DRICH1: variants seen among roughly 807,000 people sequenced by gnomAD.
DRICH1 encodes the protein aspartate-rich protein 1.
A neutral mutation model predicts 39.5 loss-of-function variants in DRICH1; 38 were observed. That is an observed-to-expected ratio of 0.96 (90% confidence interval 0.74 to 1.26). The LOEUF is 1.26. Ranked by LOEUF, DRICH1 falls within the 50% of genes most tolerant of loss-of-function variation. DRICH1 has a pLI of 0.00. For synonymous variants in DRICH1, 84 were observed against 99.5 expected (o/e 0.84, Z 0.93); for missense variants, 279 against 270.4 (o/e 1.03, Z -0.22).
intron 5 of DRICH1, 103 bp downstream of exon 5, chr22:23,620,491 C>T: frequency 2.3e-6 from 3 of 1,322,518 alleles, no homozygotes; most frequent in East Asian, 2.3e-5. Flanking sequence ...CATTTGCTCT[C>T]ACCACACCCC....
chr22:23,629,899 G>A (rs910367194), intron 1 of DRICH1, among the ~76,000 whole-genome samples: 9 of 152,190 alleles, frequency 5.9e-5, no homozygotes, highest in African/African-American at 1.9e-4. Flanking sequence ...TTACAGGTGT[G>A]AGCCACCGTG....
chr22:23,609,738 C>T (rs1926934804), intron 11 of DRICH1, among the ~76,000 whole-genome samples: 1 of 152,190 alleles, frequency 6.6e-6, no homozygotes, highest in Non-Finnish European at 1.5e-5. Context: ...ACTAATCTCA[C>T]TATGTCCTTC....
intron 6 of DRICH1, among the ~76,000 whole-genome samples, chr22:23,619,032 C>T (rs1217483741): frequency 2.6e-5 from 4 of 151,858 alleles, no homozygotes; most frequent in South Asian, 4.2e-4. Context: ...ATTAGCTGGA[C>T]GTGGTGGCAT....
the DRICH1 span, among the ~76,000 whole-genome samples, chr22:23,585,112 TC>T: frequency 1.3e-5 from 2 of 152,142 alleles, no homozygotes; most frequent in African/African-American, 4.8e-5. Flanking sequence ...TCTCTCTCCT[TC>T]CTTTCCCTTC....
chr22:23,606,823 CCT>C (rs1481804653), downstream of DRICH1, among the ~76,000 whole-genome samples: 1 of 152,184 alleles, frequency 6.6e-6, no homozygotes, highest in Non-Finnish European at 1.5e-5. Flanking sequence ...CTGCGCCTGC[CCT>C]CTCATTCAAC....
At chr22:23,605,212 C>T (rs1453370483), downstream of DRICH1, among the ~76,000 whole-genome samples, 3 of 152,144 alleles carry the variant, frequency 2.0e-5, no homozygotes, top group Non-Finnish European at 4.4e-5. Context: ...TAAATGAACC[C>T]AGATGCTCAG....
chr22:23,592,400 G>C, the DRICH1 span, among the ~76,000 whole-genome samples: 2 of 152,132 alleles, frequency 1.3e-5, no homozygotes, highest in African/African-American at 4.8e-5. Context: ...ACTGGGGGGG[G>C]GCGGTCCATG....
the DRICH1 span, chr22:23,583,005 T>C: frequency 6.6e-6 from 1 of 152,168 alleles, no homozygotes; most frequent in African/African-American, 2.4e-5. Flanking sequence ...TCAGAGGGTG[T>C]AAAATTAATT....
chr22:23,604,048 T>G (rs533586022), downstream of DRICH1, among the ~76,000 whole-genome samples: 1 of 152,260 alleles, frequency 6.6e-6, no homozygotes, highest in African/African-American at 2.4e-5. Flanking sequence ...TCTGTCCTCA[T>G]ATCAGTCAAA....
At chr22:23,618,366 GGC>G (rs753627555) in intron 6 of DRICH1, among the ~76,000 whole-genome samples, 13 of 151,654 alleles carry the variant, frequency 8.6e-5, no homozygotes, top group Non-Finnish European at 4.4e-5. Flanking sequence ...CACCCACCTC[GGC>G]CTCCCAAAGT....
At chr22:23,619,506 G>T (rs1455808581) in intron 5 of DRICH1, 113 bp from the exon 6 acceptor site, 5 of 719,796 alleles carry the variant, frequency 6.9e-6, no homozygotes, top group Non-Finnish European at 1.3e-5. Context: ...TCATGAGATT[G>T]AAATCTACAA....
intron 1 of DRICH1, among the ~76,000 whole-genome samples, chr22:23,628,746 A>C (rs1928221077): frequency 6.6e-6 from 1 of 152,188 alleles, no homozygotes; most frequent in Non-Finnish European, 1.5e-5. Context: ...CCTGAAGTCC[A>C]TCCCTGCTGA....
chr22:23,626,813 G>C (rs1313975790), intron 1 of DRICH1, among the ~76,000 whole-genome samples: 1 of 139,602 alleles, frequency 7.2e-6, no homozygotes, highest in Non-Finnish European at 1.5e-5. Context: ...CAGCCTTTGA[G>C]TGAGAAAGAG....
chr22:23,632,290 GCTC>G lies in DRICH1; in HGVS notation c.-270_-268del. 2.0e-6 allele frequency: 1 copy of G among 502,006 alleles called. No homozygotes were observed. The highest frequency in any genetic ancestry group is 3.7e-5 in the East Asian group (1 of 26,972). The allele number at this position is 502,006 out of a possible 1,614,324, so 31.1% of individuals were successfully genotyped here. On this transcript the variant is annotated 5_prime_UTR_variant, in exon 1 of 12. Transcript: ENST00000317749. ...ACTGCCATCAAAGAGCACAGTTGGA[GCTC>G]CTCCTCCCTCCACTGCGAGCTACTG...
At chr22:23,594,556 T>G in the DRICH1 span, among the ~76,000 whole-genome samples, 1 of 152,218 alleles carries the variant, frequency 6.6e-6, no homozygotes, top group Non-Finnish European at 1.5e-5. Context: ...AAACCACGCC[T>G]GGCTAATTTT....
At chr22:23,586,514 C>G in the DRICH1 span, among the ~76,000 whole-genome samples, 1,867 of 152,154 alleles carry the variant, frequency 0.012, 46 homozygotes, top group African/African-American at 0.043. Flanking sequence ...AACACCATTA[C>G]CTCCCTCATG....
chr22:23,617,495 CTTTGG>C, intron 7 of DRICH1, 75 bp downstream of exon 7: 1 of 1,518,420 alleles, frequency 6.6e-7, no homozygotes, highest in South Asian at 1.1e-5. Flanking sequence ...TGAGTCCATT[CTTTGG>C]GATTGGATTG....
Position 23,631,805 on chromosome 22 carries a change from G to T in DRICH1, c.208+11C>A, listed in dbSNP as rs1602356792. The T allele has an allele frequency of 1.9e-6, 3 of 1,610,460 alleles. 1 individual carries two copies. Among genetic ancestry groups the T allele is most frequent in the South Asian group, 2.2e-5 (2 of 90,954 alleles). On this transcript the variant is annotated intron_variant, in intron 1 of 11. Transcript: ENST00000317749. Reference sequence around the variant, plus strand: ...GTGCCAGAGGGTAAACGGCACCCGTGGCTTTTTTACCTGTGGGCATCTTTT... The same window carrying T: ...GTGCCAGAGGGTAAACGGCACCCGTTGCTTTTTTACCTGTGGGCATCTTTT...
the DRICH1 span, among the ~76,000 whole-genome samples, chr22:23,597,762 AG>A: frequency 6.6e-6 from 1 of 151,198 alleles, no homozygotes; most frequent in South Asian, 2.1e-4. Flanking sequence ...GGGTGTGGGA[AG>A]GCAGCCAGGG....
Sources: gnomAD v4.1 joint callset for allele counts (sites outside exome capture counted in the v4.1 genomes callset) on GRCh38, gnomAD v4.1.1 for gene constraint, MANE v1.5 for transcripts, NCBI Gene and HGNC (gene_info 2026-07-23, HGNC 2026-07-21) for gene names.